The following LRBA variants were observed in gnomAD, a reference collection of about 807,000 sequenced individuals.
The protein encoded by LRBA is lipopolysaccharide-responsive and beige-like anchor protein.
Under a neutral mutation model 330.0 loss-of-function variants are expected in LRBA, and 176 were observed. The ratio of observed to expected loss-of-function variants is 0.53; its 90% CI spans 0.47 to 0.60. LRBA has a LOEUF of 0.60. Among genes scored for constraint, LRBA ranks in the 20% least tolerant of loss-of-function variants. The pLI is 0.00. For synonymous variants in LRBA, 1,230 were observed against 1,193.0 expected (o/e 1.03, Z -0.64); for missense variants, 3,259 against 3,444.8 (o/e 0.95, Z 1.35).
At chr4:150,868,345 C>A in intron 20 of LRBA, 40 bp from the exon 21 acceptor site, 3 of 1,469,802 alleles carry the variant, frequency 2.0e-6, no homozygotes, top group Admixed American at 2.0e-5. Context: ...CCAAACTCAA[C>A]AAAAAACTCA....
chr4:150,349,366 T>C (rs1034744242), intron 48 of LRBA, among the ~76,000 whole-genome samples: 5 of 152,184 alleles, frequency 3.3e-5, no homozygotes, highest in Non-Finnish European at 7.3e-5. Context: ...TAATTTTTCA[T>C]ATGAAGTATA....
intron 46 of LRBA, among the ~76,000 whole-genome samples, chr4:150,430,045 G>C (rs1036964701): frequency 5.3e-5 from 8 of 151,996 alleles, no homozygotes; most frequent in Non-Finnish European, 8.8e-5. Flanking sequence ...AACAAAACTT[G>C]TTCTTTCTTC....
intron 9 of LRBA, among the ~76,000 whole-genome samples, chr4:150,911,503 G>A (rs1731985613): frequency 6.6e-6 from 1 of 152,104 alleles, no homozygotes; most frequent in South Asian, 2.1e-4. Context: ...TGCATTGACT[G>A]ATTTCCATGT....
intron 2 of LRBA, among the ~76,000 whole-genome samples, chr4:150,933,500 A>G (rs1462830527): frequency 6.6e-6 from 1 of 152,196 alleles, no homozygotes; most frequent in African/African-American, 2.4e-5. Context: ...CAAGGTGGAG[A>G]AAAGTGTGAA....
intron 50 of LRBA, among the ~76,000 whole-genome samples, chr4:150,316,490 G>C (rs1168710264): frequency 1.3e-5 from 2 of 152,042 alleles, no homozygotes; most frequent in East Asian, 3.9e-4. Context: ...CCTAAAACAG[G>C]GTTCAGAATA....
chr4:150,288,140 C>T (rs1268186862), intron 53 of LRBA, among the ~76,000 whole-genome samples: 1 of 151,908 alleles, frequency 6.6e-6, no homozygotes, highest in Non-Finnish European at 1.5e-5. Context: ...TACAGGCGCC[C>T]GCCACTGCGC....
At chr4:150,713,883 G>T (rs1786477172) in intron 36 of LRBA, among the ~76,000 whole-genome samples, 2 of 152,156 alleles carry the variant, frequency 1.3e-5, no homozygotes, top group African/African-American at 4.8e-5. Flanking sequence ...GGAACAGAAG[G>T]ATCTCTGGGT....
intron 55 of LRBA, 111 bp downstream of exon 55, chr4:150,282,339 A>G (rs1747638308): frequency 2.2e-6 from 2 of 898,178 alleles, no homozygotes; most frequent in Admixed American, 2.3e-5. Context: ...TATGGAAAAG[A>G]GGCCCTCGGC....
At chr4:150,687,089 T>C (rs112563912) in intron 36 of LRBA, among the ~76,000 whole-genome samples, 3 of 152,230 alleles carry the variant, frequency 2.0e-5, no homozygotes, top group African/African-American at 7.2e-5. Context: ...TAGGGTCACA[T>C]CTGACCTAAA....
chr4:150,760,920 A>G (rs570231636), intron 35 of LRBA, among the ~76,000 whole-genome samples: 3 of 152,308 alleles, frequency 2.0e-5, no homozygotes, highest in South Asian at 2.1e-4. Flanking sequence ...GCCCTTTTCC[A>G]TAACATTTAT....
chr4:150,788,547 G>C (rs969549946), intron 34 of LRBA, among the ~76,000 whole-genome samples: 1 of 152,052 alleles, frequency 6.6e-6, no homozygotes, highest in Non-Finnish European at 1.5e-5. Context: ...AATCACCTGA[G>C]GTCAGGAGTT....
chr4:150,791,322 T>C (rs1460892760), intron 34 of LRBA, among the ~76,000 whole-genome samples: 1 of 152,042 alleles, frequency 6.6e-6, no homozygotes, highest in East Asian at 1.9e-4. Context: ...ATAGTGAGAG[T>C]TGATCAAACA....
At chr4:150,668,794 C>T (rs568380051) in intron 37 of LRBA, among the ~76,000 whole-genome samples, 49 of 152,076 alleles carry the variant, frequency 3.2e-4, no homozygotes, top group Non-Finnish European at 6.8e-4. Context: ...AGGGGCATGG[C>T]GGGAAACCTA....
chr4:150,273,986 C>G (rs765077354), intron 56 of LRBA, among the ~76,000 whole-genome samples: 1 of 152,130 alleles, frequency 6.6e-6, no homozygotes, highest in South Asian at 2.1e-4. Context: ...AAATCTCCAC[C>G]CCAAATCATC....
intron 17 of LRBA, among the ~76,000 whole-genome samples, chr4:150,884,117 G>A (rs903118472): frequency 1.3e-5 from 2 of 152,108 alleles, no homozygotes; most frequent in African/African-American, 2.4e-5. Context: ...TTACCATTTG[G>A]GGGCTGGCAG....
chr4:150,275,019 G>A (rs1286730405), intron 56 of LRBA, among the ~76,000 whole-genome samples: 6 of 152,010 alleles, frequency 3.9e-5, no homozygotes, highest in Admixed American at 6.6e-5. Flanking sequence ...ACATCAATGC[G>A]AAAATCCTCA....
intron 36 of LRBA, among the ~76,000 whole-genome samples, chr4:150,691,444 C>T (rs1784129550): frequency 6.6e-6 from 1 of 152,074 alleles, no homozygotes; most frequent in Admixed American, 6.6e-5. Context: ...TAATAAAGCA[C>T]ATGAGAAGAT....
At chr4:150,426,900 G>T (rs1044334752) in intron 46 of LRBA, among the ~76,000 whole-genome samples, 23 of 151,548 alleles carry the variant, frequency 1.5e-4, no homozygotes, top group African/African-American at 4.8e-4. Context: ...GTTCTTTCTT[G>T]CTTTCAACAC....
intron 17 of LRBA, among the ~76,000 whole-genome samples, chr4:150,881,470 C>T (rs1041635937): frequency 6.6e-6 from 1 of 151,936 alleles, no homozygotes; most frequent in Non-Finnish European, 1.5e-5. Flanking sequence ...AAATAATGGG[C>T]ACTCATAGAC....
Sources: gnomAD v4.1 joint callset for allele counts (sites outside exome capture counted in the v4.1 genomes callset) on GRCh38, gnomAD v4.1.1 for gene constraint, MANE v1.5 for transcripts, NCBI Gene and HGNC (gene_info 2026-07-23, HGNC 2026-07-21) for gene names.